Variants in TMEM117 observed in about 807,000 individuals in gnomAD.
TMEM117 encodes transmembrane protein 117.
A neutral mutation model predicts 52.4 loss-of-function variants in TMEM117; 27 were observed. The observed-to-expected ratio is 0.51, with a 90% CI of 0.38 to 0.71. The LOEUF is 0.71. Ranked by LOEUF, TMEM117 falls within the 30% of genes least tolerant of loss-of-function variation. The probability of loss-of-function intolerance (pLI) is 0.00; values close to 1 mark genes in which losing one functional copy is unlikely to be tolerated. For missense variants in TMEM117, 556 were observed against 630.5 expected, an observed-to-expected ratio of 0.88 and a Z score of 1.26; for synonymous variants, 215 against 206.3, an observed-to-expected ratio of 1.04 and a Z score of -0.36.
At chr12:44,184,536 C>T (rs930284635) in intron 4 of TMEM117, among the ~76,000 whole-genome samples, 7 of 152,030 alleles carry the variant, frequency 4.6e-5, no homozygotes, top group African/African-American at 7.2e-5. Context: ...CTCATCATGA[C>T]GTGCCTTGAA....
At chr12:44,093,312 A>G (rs977594145) in intron 3 of TMEM117, among the ~76,000 whole-genome samples, 2 of 152,100 alleles carry the variant, frequency 1.3e-5, no homozygotes, top group Non-Finnish European at 2.9e-5. Flanking sequence ...TAACTTTGTT[A>G]TTTCTAATTG....
chr12:44,183,325 G>A (rs901283813), intron 4 of TMEM117, among the ~76,000 whole-genome samples: 8 of 152,130 alleles, frequency 5.3e-5, no homozygotes, highest in Admixed American at 3.9e-4. Context: ...CTTAGTAAAT[G>A]CATTGCTCTC....
intron 6 of TMEM117, among the ~76,000 whole-genome samples, chr12:44,308,848 T>C (rs1394670584): frequency 6.6e-6 from 1 of 152,130 alleles, no homozygotes; most frequent in Non-Finnish European, 1.5e-5. Flanking sequence ...CTCGATCTCC[T>C]GACGTCGTGA....
At chr12:43,828,295 T>A in the TMEM117 span, among the ~76,000 whole-genome samples, 1 of 152,244 alleles carries the variant, frequency 6.6e-6, no homozygotes, top group African/African-American at 2.4e-5. Context: ...TAATGTACTC[T>A]GTGAGATTCA....
At chr12:44,274,033 G>A (rs1024844299) in intron 5 of TMEM117, among the ~76,000 whole-genome samples, 1 of 152,088 alleles carries the variant, frequency 6.6e-6, no homozygotes, top group Non-Finnish European at 1.5e-5. Flanking sequence ...ATCCTTGTTT[G>A]CAGATGATAT....
At chr12:44,148,519 A>G (rs1948677493) in intron 4 of TMEM117, among the ~76,000 whole-genome samples, 2 of 152,196 alleles carry the variant, frequency 1.3e-5, no homozygotes, top group African/African-American at 2.4e-5. Context: ...TATTTTATGT[A>G]TAAGTACTGC....
At chr12:44,277,761 CTTTTTTT>C (rs35687259) in intron 5 of TMEM117, among the ~76,000 whole-genome samples, 2 of 95,504 alleles carry the variant, frequency 2.1e-5, no homozygotes, top group African/African-American at 8.9e-5. Flanking sequence ...AAACTCTGAG[CTTTTTTT>C]TTTTTTTTTT....
At chr12:44,321,448 G>C (rs1403371954) in intron 6 of TMEM117, among the ~76,000 whole-genome samples, 1 of 152,170 alleles carries the variant, frequency 6.6e-6, no homozygotes, top group Admixed American at 6.5e-5. Context: ...GGAAAATTCT[G>C]AATGCAAAGT....
chr12:44,021,586 T>C (rs1834286954), intron 3 of TMEM117, among the ~76,000 whole-genome samples: 1 of 152,188 alleles, frequency 6.6e-6, no homozygotes, highest in South Asian at 2.1e-4. Context: ...CAAATAAGCA[T>C]ATTTTTAGAC....
At chr12:44,180,873 T>C (rs1390506656) in intron 4 of TMEM117, among the ~76,000 whole-genome samples, 1 of 151,866 alleles carries the variant, frequency 6.6e-6, no homozygotes, top group Non-Finnish European at 1.5e-5. Flanking sequence ...TACCCAGTAA[T>C]GGGATGGCTG....
At chr12:43,845,892 A>G (rs1373628549) in intron 2 of TMEM117, among the ~76,000 whole-genome samples, 2 of 152,224 alleles carry the variant, frequency 1.3e-5, no homozygotes, top group African/African-American at 4.8e-5. Context: ...TTATGGCTAC[A>G]TAGTATTCCA....
intron 3 of TMEM117, among the ~76,000 whole-genome samples, chr12:44,127,628 A>T (rs1302048745): frequency 6.6e-6 from 1 of 152,012 alleles, no homozygotes. Flanking sequence ...ATGAGCTGAG[A>T]TCGTGCCATT....
rs1565715558 is a variant in TMEM117, at chr12:43,844,895, G to C, written c.244G>C (p.Ala82Pro). ...ACTTGCCATTCTCACAGGACTAATA[G>C]CTGGCAAATTTCTGTTCCATCAGCG... ...WLLAILTGLI[A>P]GKFLFHQRLF... The change falls in exon 2 of 8, where the codon GCT (alanine) becomes CCT (proline). Residue 82 changes from alanine to proline, a missense_variant. Coordinates refer to ENST00000266534, the MANE Select transcript of TMEM117 (RefSeq NM_032256.3). 6.2e-7 allele frequency: 1 copy of C among 1,613,784 alleles called. No individual in the cohort carries two copies. Among genetic ancestry groups the C allele is most frequent in the Non-Finnish European group, 8.5e-7 (1 of 1,179,964 alleles).
intron 5 of TMEM117, among the ~76,000 whole-genome samples, chr12:44,259,995 C>T (rs1169168495): frequency 6.6e-6 from 1 of 152,106 alleles, no homozygotes; most frequent in African/African-American, 2.4e-5. Flanking sequence ...ATTTAGAACA[C>T]CATGTGAAAC....
Position 43,882,460 on chromosome 12 carries a change from C to CAAAA in TMEM117, c.277+37546_277+37549dup, listed in dbSNP as rs57833998. On this transcript the variant is annotated intron_variant, in intron 2 of 7. Coordinates refer to ENST00000266534, the MANE Select transcript of TMEM117 (RefSeq NM_032256.3). ...TGGGGACAAGAGTGAAACTTCATCT[C>CAAAA]AAAAAAAAAAAAAAAAAGAAATATT... Among the ~76,000 whole-genome samples, 23 of 117,160 alleles carry CAAAA rather than the reference C, an allele frequency of 2.0e-4. 1 individual carries two copies. The highest frequency in any genetic ancestry group is 4.8e-4 in the East Asian group (2 of 4,142). The allele number at this position is 117,160 out of a possible 152,430, so 76.9% of individuals were successfully genotyped here. A position where few individuals can be genotyped will look rare whatever the true frequency, so the allele number is the denominator to read the frequency against.
chr12:44,309,001 A>G (rs908726022), intron 6 of TMEM117, among the ~76,000 whole-genome samples: 1 of 152,202 alleles, frequency 6.6e-6, no homozygotes, highest in Non-Finnish European at 1.5e-5. Context: ...TACAATGATA[A>G]AGCTAAGGAA....
intron 3 of TMEM117, among the ~76,000 whole-genome samples, chr12:44,130,996 C>T (rs1948405357): frequency 6.6e-6 from 1 of 151,946 alleles, no homozygotes; most frequent in Admixed American, 6.6e-5. Flanking sequence ...TTGTATAATT[C>T]CTTTTTTCTT....
chr12:44,188,934 T>C (rs1565570835), intron 4 of TMEM117, among the ~76,000 whole-genome samples: 3 of 152,306 alleles, frequency 2.0e-5, no homozygotes, highest in East Asian at 3.9e-4. Context: ...TAATTTTTTA[T>C]TGGTACATAA....
chr12:43,956,391 CATCT>C (rs968645243), intron 3 of TMEM117, among the ~76,000 whole-genome samples: 19 of 151,192 alleles, frequency 1.3e-4, no homozygotes, highest in African/African-American at 4.1e-4. Context: ...GCAATCTATC[CATCT>C]GACTAAGGTC....
Sources: gnomAD v4.1 joint callset for allele counts (sites outside exome capture counted in the v4.1 genomes callset) on GRCh38, gnomAD v4.1.1 for gene constraint, MANE v1.5 for transcripts, NCBI Gene and HGNC (gene_info 2026-07-23, HGNC 2026-07-21) for gene names.